Variants in KCND3 observed in about 807,000 individuals in gnomAD.
KCND3 encodes the protein potassium voltage-gated channel subfamily D member 3, also known as A-type voltage-gated potassium channel KCND3.
Under a neutral mutation model 51.1 loss-of-function variants are expected in KCND3, and 9 were observed. The observed-to-expected ratio is 0.18, with a 90% CI of 0.11 to 0.31. The LOEUF (loss-of-function observed/expected upper bound fraction) is 0.31. KCND3 is among the 10% of genes least tolerant of loss of function. The probability of loss-of-function intolerance (pLI) is 1.00; values close to 1 mark genes in which losing one functional copy is unlikely to be tolerated. For missense variants in KCND3, 526 were observed against 903.8 expected (o/e 0.58, Z 5.36); for synonymous variants, 349 against 368.0 (o/e 0.95, Z 0.59).
intron 2 of KCND3, among the ~76,000 whole-genome samples, chr1:111,829,184 C>A (rs957708806): frequency 2.6e-5 from 4 of 152,164 alleles, no homozygotes; most frequent in African/African-American, 9.7e-5. Flanking sequence ...ACAATTATGT[C>A]TCAGGCTGTG....
chr1:111,872,198 A>T (rs1668854912), intron 2 of KCND3, among the ~76,000 whole-genome samples: 1 of 152,240 alleles, frequency 6.6e-6, no homozygotes, highest in Admixed American at 6.5e-5. Context: ...TACAGGTAAG[A>T]GGACAGAGGA....
At chr1:111,897,769 G>A (rs1403620554) in intron 2 of KCND3, among the ~76,000 whole-genome samples, 1 of 152,234 alleles carries the variant, frequency 6.6e-6, no homozygotes, top group African/African-American at 2.4e-5. Context: ...TATGTCACAT[G>A]GGGAGAGGGC....
intron 2 of KCND3, among the ~76,000 whole-genome samples, chr1:111,944,221 T>C (rs548260901): frequency 2.0e-5 from 3 of 152,030 alleles, no homozygotes; most frequent in Non-Finnish European, 4.4e-5. Flanking sequence ...TGGAGACCCA[T>C]AGGGAGGCCC....
intron 2 of KCND3, among the ~76,000 whole-genome samples, chr1:111,813,682 T>G (rs1295158155): frequency 1.3e-5 from 2 of 152,148 alleles, no homozygotes; most frequent in African/African-American, 4.8e-5. Flanking sequence ...AGATGCTGGC[T>G]CCCTAGGTAG....
At chr1:111,777,331 C>T (rs1444598770) in intron 6 of KCND3, 58 bp from the exon 7 acceptor site, 8 of 1,568,558 alleles carry the variant, frequency 5.1e-6, no homozygotes, top group Non-Finnish European at 7.0e-6. Context: ...GAGAGGTAAG[C>T]CCCTATACTC....
chr1:111,809,144 C>G (rs12405239), intron 2 of KCND3, among the ~76,000 whole-genome samples: 12,438 of 152,130 alleles, frequency 0.082, 890 homozygotes, highest in African/African-American at 0.18. Context: ...TATGGGTGGG[C>G]CCTGGGCCGC....
intron 2 of KCND3, among the ~76,000 whole-genome samples, chr1:111,886,718 G>A (rs1467384388): frequency 1.3e-5 from 2 of 152,152 alleles, no homozygotes; most frequent in Non-Finnish European, 2.9e-5. Context: ...ACAACATCCT[G>A]GCCAAGGCAC....
chr1:111,890,949 G>A (rs140452345), intron 2 of KCND3, among the ~76,000 whole-genome samples: 80 of 152,234 alleles, frequency 5.3e-4, no homozygotes, highest in Non-Finnish European at 9.3e-4. Context: ...GAAGTGTTTC[G>A]GGAGAGTGGT....
chr1:111,920,041 G>A (rs913841659), intron 2 of KCND3, among the ~76,000 whole-genome samples: 3 of 152,244 alleles, frequency 2.0e-5, no homozygotes, highest in Non-Finnish European at 4.4e-5. Context: ...ATGAAGGACA[G>A]CTTTGCCCCC....
chr1:111,951,715 A>C (rs78692548), intron 2 of KCND3, among the ~76,000 whole-genome samples: 1 of 152,210 alleles, frequency 6.6e-6, no homozygotes, highest in Non-Finnish European at 1.5e-5. Context: ...AAGATACAAA[A>C]TCATGCCAGG....
rs539350204 is a variant in KCND3 at position 111,954,274 on chromosome 1, G to A, written c.1106+27347C>T. 3.9e-4 allele frequency among the ~76,000 whole-genome samples: 59 copies of A among 152,212 alleles called. No individual in the cohort carries two copies. The South Asian group carries it at 0.011, about 29-fold the overall frequency. Reference sequence around the variant, plus strand: ...TTTGTGAGCCATCTGCTTCCTGTTGGGACCCTTAATGACATAGAGGAAAGG... The same window carrying A: ...TTTGTGAGCCATCTGCTTCCTGTTGAGACCCTTAATGACATAGAGGAAAGG... On this transcript the variant is annotated intron_variant, in intron 2 of 7. Coordinates refer to ENST00000302127, the MANE Select transcript of KCND3 (RefSeq NM_001378969.1).
chr1:111,772,516 G>A lies in KCND3; in HGVS notation c.*3561C>T, dbSNP rs1663963930. 6.6e-6 allele frequency: 1 copy of A among 152,208 alleles called. No individual in the cohort carries two copies. The highest frequency in any genetic ancestry group is 2.4e-5 in the African/African-American group (1 of 41,446). The allele number at this position is 152,208 out of a possible 1,614,324, so 9.4% of individuals were successfully genotyped here. A position where few individuals can be genotyped will look rare whatever the true frequency, so the allele number is the denominator to read the frequency against. On this transcript the variant is annotated 3_prime_UTR_variant, in exon 8 of 8. Coordinates refer to ENST00000302127, the MANE Select transcript of KCND3 (RefSeq NM_001378969.1). ...TCTCCAAAGCATCACTGCTCTCAGA[G>A]GCAGTGGGTGTGGTAGAAAATGCAT...
intron 2 of KCND3, among the ~76,000 whole-genome samples, chr1:111,833,477 T>C (rs1571711660): frequency 3.3e-5 from 5 of 152,380 alleles, no homozygotes; most frequent in Admixed American, 3.3e-4. Flanking sequence ...CTTGAAATTA[T>C]ACTTCAAGCT....
chr1:111,858,871 G>A (rs1323788653), intron 2 of KCND3, among the ~76,000 whole-genome samples: 1 of 152,210 alleles, frequency 6.6e-6, no homozygotes, highest in Non-Finnish European at 1.5e-5. Context: ...ATCAAATGAG[G>A]ACACTCCTGC....
intron 2 of KCND3, among the ~76,000 whole-genome samples, chr1:111,927,098 C>T (rs186507729): frequency 6.6e-6 from 1 of 152,320 alleles, no homozygotes; most frequent in East Asian, 1.9e-4. Flanking sequence ...CATTATCTCC[C>T]CATTTGCTAG....
intron 2 of KCND3, among the ~76,000 whole-genome samples, chr1:111,873,033 G>A (rs1668895102): frequency 6.6e-6 from 1 of 152,142 alleles, no homozygotes; most frequent in Non-Finnish European, 1.5e-5. Context: ...GCTATGTCTG[G>A]GCTTCCCAGA....
intron 2 of KCND3, among the ~76,000 whole-genome samples, chr1:111,809,607 CAGAAGATT>C (rs1176817196): frequency 6.6e-6 from 1 of 152,142 alleles, no homozygotes; most frequent in Non-Finnish European, 1.5e-5. Context: ...CGCGCCCAGC[CAGAAGATT>C]ATTTTTCTAG....
At chr1:111,816,612 G>A (rs1050323225) in intron 2 of KCND3, among the ~76,000 whole-genome samples, 1 of 152,158 alleles carries the variant, frequency 6.6e-6, no homozygotes, top group Non-Finnish European at 1.5e-5. Context: ...GTGGGTGGGC[G>A]CTTCTACTGT....
At chr1:111,935,342 C>T (rs1020247234) in intron 2 of KCND3, among the ~76,000 whole-genome samples, 2 of 152,196 alleles carry the variant, frequency 1.3e-5, no homozygotes, top group African/African-American at 4.8e-5. Context: ...AGAGCCCACT[C>T]TCTTGGCTTG....
Sources: allele counts gnomAD v4.1 joint callset (sites outside exome capture counted in the v4.1 genomes callset), GRCh38; gene constraint gnomAD v4.1.1; transcripts MANE v1.5; gene names NCBI Gene and HGNC (gene_info 2026-07-23, HGNC 2026-07-21).